Variants in NRG3 observed in about 807,000 individuals in gnomAD.
The protein encoded by NRG3 is pro-neuregulin-3, membrane-bound isoform.
In NRG3, 31 loss-of-function variants were observed where a neutral mutation model predicts 66.9. The ratio of observed to expected loss-of-function variants is 0.46; its 90% confidence interval spans 0.35 to 0.63. The LOEUF (loss-of-function observed/expected upper bound fraction) is 0.63. Among genes scored for constraint, NRG3 ranks in the 20% least tolerant of loss-of-function variants. NRG3 has a pLI of 0.00. For missense variants in NRG3, 910 were observed against 878.9 expected (o/e 1.04, Z -0.45); for synonymous variants, 393 against 359.4 (o/e 1.09, Z -1.06).
chr10:82,844,803 TA>T (rs557526725), intron 3 of NRG3, among the ~76,000 whole-genome samples: 12 of 150,608 alleles, frequency 8.0e-5, no homozygotes, highest in Admixed American at 4.0e-4. Context: ...AAATGAGTAT[TA>T]AAAAAAAAGT....
chr10:81,989,772 T>C (rs553945993), intron 1 of NRG3, among the ~76,000 whole-genome samples: 8 of 152,198 alleles, frequency 5.3e-5, no homozygotes, highest in Non-Finnish European at 1.0e-4. Context: ...AGTGAGAACT[T>C]TTTCTTTTGG....
chr10:82,245,984 T>TG (rs1554859750), intron 1 of NRG3, among the ~76,000 whole-genome samples: 1 of 140,990 alleles, frequency 7.1e-6, no homozygotes, highest in East Asian at 2.0e-4. Context: ...TCTGGTTTTT[T>TG]TTTTTTTTTT....
intron 1 of NRG3, among the ~76,000 whole-genome samples, chr10:82,318,637 G>T (rs1347600384): frequency 6.6e-6 from 1 of 152,114 alleles, no homozygotes; most frequent in African/African-American, 2.4e-5. Flanking sequence ...TGCAAATGCT[G>T]CTCTCTGGAC....
chr10:82,182,474 G>C (rs1339828992), intron 1 of NRG3, among the ~76,000 whole-genome samples: 1 of 151,530 alleles, frequency 6.6e-6, no homozygotes, highest in African/African-American at 2.4e-5. Flanking sequence ...TCTATTTTAA[G>C]CTGATAACAA....
intron 1 of NRG3, among the ~76,000 whole-genome samples, chr10:81,964,594 C>G (rs1306495929): frequency 1.3e-5 from 2 of 152,032 alleles, no homozygotes; most frequent in African/African-American, 4.8e-5. Flanking sequence ...TCTTTGTGCA[C>G]CTGGGTGAGT....
intron 2 of NRG3, among the ~76,000 whole-genome samples, chr10:82,365,370 A>G (rs2084457471): frequency 6.6e-6 from 1 of 152,218 alleles, no homozygotes; most frequent in Non-Finnish European, 1.5e-5. Flanking sequence ...CCTTAGAAGA[A>G]TTTGCAAGTT....
At chr10:82,746,192 TG>T (rs2058638326) in intron 3 of NRG3, among the ~76,000 whole-genome samples, 1 of 152,096 alleles carries the variant, frequency 6.6e-6, no homozygotes, top group African/African-American at 2.4e-5. Context: ...GTGCCAGACT[TG>T]TATTTGGTTT....
intron 4 of NRG3, among the ~76,000 whole-genome samples, chr10:82,881,862 A>G (rs1316730339): frequency 6.6e-6 from 1 of 152,200 alleles, no homozygotes; most frequent in Non-Finnish European, 1.5e-5. Flanking sequence ...CTAATGTGCT[A>G]CACTGTGTTT....
intron 2 of NRG3, among the ~76,000 whole-genome samples, chr10:82,548,021 A>G (rs1279934715): frequency 6.7e-6 from 1 of 150,188 alleles, no homozygotes. Flanking sequence ...GGACAAAAAA[A>G]GAAGTGACTC....
intron 1 of NRG3, among the ~76,000 whole-genome samples, chr10:82,120,379 A>G (rs188946457): frequency 6.6e-6 from 1 of 152,264 alleles, no homozygotes; most frequent in Admixed American, 6.5e-5. Context: ...TTTAAAATCA[A>G]TAGTAATATT....
rs114355893 is a variant in NRG3, at chr10:82,773,012, G to A, written c.1027+34362G>A. On this transcript the variant is annotated intron_variant, in intron 3 of 8. Coordinates refer to ENST00000372141, the MANE Select transcript of NRG3 (RefSeq NM_001010848.4). ...GAGCCACCCTGCAGAGCCTGTTTCC[G>A]TATCTTGGCTATTATGAATAATGTT... Among the ~76,000 whole-genome samples the A allele has an allele frequency of 3.9e-3, 597 of 152,020 alleles. 3 individuals are homozygous for A. Among genetic ancestry groups the A allele is most frequent in the African/African-American group, 0.014 (577 of 41,486 alleles).
chr10:82,198,647 C>G (rs1322796685), intron 1 of NRG3, among the ~76,000 whole-genome samples: 1 of 152,156 alleles, frequency 6.6e-6, no homozygotes, highest in Non-Finnish European at 1.5e-5. Context: ...TTCACCCCCT[C>G]TTCAAATTCA....
At chr10:82,328,773 GCAAAGAACACCTATTCAAGTGTC>G (rs764486284) in intron 1 of NRG3, among the ~76,000 whole-genome samples, 8 of 152,142 alleles carry the variant, frequency 5.3e-5, no homozygotes, top group Non-Finnish European at 8.8e-5. Context: ...AAATGATTGA[GCAAAGAACACCTATTCAAGTGTC>G]CATGCCAGAG....
At chr10:82,468,284 G>T (rs1198328604) in intron 2 of NRG3, among the ~76,000 whole-genome samples, 1 of 152,152 alleles carries the variant, frequency 6.6e-6, no homozygotes, top group Non-Finnish European at 1.5e-5. Context: ...GCATGAGAAG[G>T]GTGGGCGCCT....
At chr10:81,911,400 G>A (rs1264214333) in intron 1 of NRG3, among the ~76,000 whole-genome samples, 1 of 151,902 alleles carries the variant, frequency 6.6e-6, no homozygotes, top group East Asian at 1.9e-4. Flanking sequence ...CCATTTCCTG[G>A]GAATCACAGT....
At chr10:81,954,618 G>T (rs17098803) in intron 1 of NRG3, among the ~76,000 whole-genome samples, 16,917 of 151,856 alleles carry the variant, frequency 0.11, 1,195 homozygotes, top group African/African-American at 0.2. Context: ...TCAGTCTGCT[G>T]CTAAAATGAT....
chr10:82,085,554 G>A (rs1241257901), intron 1 of NRG3, among the ~76,000 whole-genome samples: 5 of 152,040 alleles, frequency 3.3e-5, no homozygotes, highest in Admixed American at 2.0e-4. Context: ...GAAGAAAAGG[G>A]GGACAGACTC....
chr10:81,956,224 C>G (rs1230463184), intron 1 of NRG3, among the ~76,000 whole-genome samples: 2 of 152,126 alleles, frequency 1.3e-5, no homozygotes, highest in South Asian at 2.1e-4. Flanking sequence ...AACAACTTCC[C>G]TCTGGCCCTC....
At chr10:82,333,054 C>T (rs1344874621) in intron 1 of NRG3, among the ~76,000 whole-genome samples, 1 of 152,162 alleles carries the variant, frequency 6.6e-6, no homozygotes, top group East Asian at 1.9e-4. Flanking sequence ...ATAAGGAAAA[C>T]AGTCTGTTCA....
Sources: allele counts gnomAD v4.1 joint callset (sites outside exome capture counted in the v4.1 genomes callset), GRCh38; gene constraint gnomAD v4.1.1; transcripts MANE v1.5; gene names NCBI Gene and HGNC (gene_info 2026-07-23, HGNC 2026-07-21).